The following ARHGAP10 variants were observed in gnomAD, a reference collection of about 807,000 sequenced individuals.
The protein encoded by ARHGAP10 is Rho GTPase activating protein 10.
A neutral mutation model predicts 108.6 loss-of-function variants in ARHGAP10; 87 were observed. The ratio of observed to expected loss-of-function variants is 0.80; its 90% CI spans 0.67 to 0.96. The LOEUF (loss-of-function observed/expected upper bound fraction) is 0.96. ARHGAP10 is among the 40% of genes least tolerant of loss of function. The probability of loss-of-function intolerance (pLI) is 0.00; values close to 1 mark genes in which losing one functional copy is unlikely to be tolerated. For synonymous variants in ARHGAP10, 347 were observed against 341.1 expected (o/e 1.02, Z -0.19); for missense variants, 939 against 954.5 (o/e 0.98, Z 0.21).
At chr4:147,922,028 A>C (rs985252808) in intron 13 of ARHGAP10, among the ~76,000 whole-genome samples, 2 of 150,206 alleles carry the variant, frequency 1.3e-5, no homozygotes, top group African/African-American at 5.0e-5. Context: ...CCCCTCCTGC[A>C]CCTCCTGCAC....
intron 13 of ARHGAP10, among the ~76,000 whole-genome samples, chr4:147,934,273 C>T (rs182628971): frequency 1.6e-3 from 247 of 152,328 alleles, no homozygotes; most frequent in African/African-American, 5.1e-3. Flanking sequence ...AATCTAGGAG[C>T]AAGCTTGTGG....
intron 1 of ARHGAP10, among the ~76,000 whole-genome samples, chr4:147,781,395 C>T (rs1201915159): frequency 2.0e-5 from 3 of 152,096 alleles, no homozygotes; most frequent in African/African-American, 7.2e-5. Flanking sequence ...CTGGACCTGG[C>T]AAGCCAGGAT....
At chr4:147,943,358 T>G (rs1578716923) in intron 14 of ARHGAP10, among the ~76,000 whole-genome samples, 1 of 152,364 alleles carries the variant, frequency 6.6e-6, no homozygotes, top group East Asian at 1.9e-4. Flanking sequence ...TTGTTTCCTT[T>G]GTAGGACAGC....
intron 14 of ARHGAP10, among the ~76,000 whole-genome samples, chr4:147,945,931 C>T (rs1738360222): frequency 6.6e-6 from 1 of 152,146 alleles, no homozygotes; most frequent in African/African-American, 2.4e-5. Flanking sequence ...GCAAGGCCAC[C>T]ACACATGAAT....
chr4:148,016,245 T>G (rs1416657766), intron 18 of ARHGAP10, among the ~76,000 whole-genome samples: 2 of 152,340 alleles, frequency 1.3e-5, no homozygotes, highest in East Asian at 3.9e-4. Context: ...GACTCATACC[T>G]GTAATCCCAG....
At chr4:147,823,494 A>G in intron 3 of ARHGAP10, among the ~76,000 whole-genome samples, 1 of 152,068 alleles carries the variant, frequency 6.6e-6, no homozygotes. Context: ...ATGGTGGGTC[A>G]TGCCTGAAAT....
At chr4:147,877,888 A>AT (rs1435088282) in intron 8 of ARHGAP10, among the ~76,000 whole-genome samples, 2 of 146,296 alleles carry the variant, frequency 1.4e-5, no homozygotes, top group African/African-American at 5.3e-5. Context: ...GGTTCTTAAG[A>AT]TTTTTTTAGA....
chr4:147,872,796 T>C (rs1252085611), intron 7 of ARHGAP10, among the ~76,000 whole-genome samples: 3 of 152,176 alleles, frequency 2.0e-5, no homozygotes. Context: ...TCATAATGAG[T>C]AGGCTGAGGA....
chr4:147,988,725 G>A (rs1348468165), intron 18 of ARHGAP10, among the ~76,000 whole-genome samples: 1 of 152,186 alleles, frequency 6.6e-6, no homozygotes, highest in Non-Finnish European at 1.5e-5. Flanking sequence ...GTCAGCCTTT[G>A]TGGCCTTTTA....
chr4:147,740,571 A>G (rs533133408), intron 1 of ARHGAP10, among the ~76,000 whole-genome samples: 28 of 152,280 alleles, frequency 1.8e-4, no homozygotes, highest in African/African-American at 6.5e-4. Flanking sequence ...GGCCATTATT[A>G]TAATTTAAAC....
At chr4:147,995,317 G>T (rs1248305749) in intron 18 of ARHGAP10, among the ~76,000 whole-genome samples, 1 of 151,982 alleles carries the variant, frequency 6.6e-6, no homozygotes, top group Non-Finnish European at 1.5e-5. Context: ...ACGATTTAAG[G>T]GCACACAGTA....
At chr4:147,933,945 T>A (rs972312639) in intron 13 of ARHGAP10, among the ~76,000 whole-genome samples, 25 of 152,112 alleles carry the variant, frequency 1.6e-4, no homozygotes, top group African/African-American at 6.0e-4. Flanking sequence ...CCTTAGGATC[T>A]GTTGTGGGGC....
chr4:147,880,639 A>G (rs531382671), intron 9 of ARHGAP10, among the ~76,000 whole-genome samples: 28 of 152,380 alleles, frequency 1.8e-4, no homozygotes, highest in East Asian at 1.5e-3. Flanking sequence ...AAAATGTTCA[A>G]TAAGTGTGTA....
chr4:147,970,990 G>A (rs537229403), intron 18 of ARHGAP10, among the ~76,000 whole-genome samples: 1 of 152,006 alleles, frequency 6.6e-6, no homozygotes, highest in South Asian at 2.1e-4. Flanking sequence ...CTATTCAGGA[G>A]GCTGAGGCAG....
At chr4:147,834,536 G>C (rs963192456) in intron 3 of ARHGAP10, among the ~76,000 whole-genome samples, 10 of 151,886 alleles carry the variant, frequency 6.6e-5, no homozygotes, top group African/African-American at 2.4e-4. Flanking sequence ...ATCTTTTAAG[G>C]CCCCACCTCT....
At chr4:148,035,465 A>G (rs1159664506) in intron 19 of ARHGAP10, among the ~76,000 whole-genome samples, 2 of 152,148 alleles carry the variant, frequency 1.3e-5, no homozygotes, top group African/African-American at 4.8e-5. Flanking sequence ...TTCTTTTTCT[A>G]GAGAGAATTT....
chr4:147,840,961 GCAAA>G (rs1177446701), intron 3 of ARHGAP10, among the ~76,000 whole-genome samples: 1 of 152,196 alleles, frequency 6.6e-6, no homozygotes, highest in Admixed American at 6.5e-5. Context: ...GCAGGGTTTG[GCAAA>G]CAGTGACCCA....
At chr4:147,742,419 G>A (rs1283556157) in intron 1 of ARHGAP10, among the ~76,000 whole-genome samples, 2 of 148,264 alleles carry the variant, frequency 1.3e-5, no homozygotes, top group South Asian at 2.1e-4. Flanking sequence ...TCCTTTGGTT[G>A]AACTTGAGCA....
chr4:147,932,796 G>A (rs1436800025), intron 13 of ARHGAP10, among the ~76,000 whole-genome samples: 1 of 152,080 alleles, frequency 6.6e-6, no homozygotes, highest in African/African-American at 2.4e-5. Flanking sequence ...ATGTACCTCT[G>A]AACTTAAAAG....
Sources: allele counts gnomAD v4.1 joint callset (sites outside exome capture counted in the v4.1 genomes callset), GRCh38; gene constraint gnomAD v4.1.1; transcripts MANE v1.5; gene names NCBI Gene and HGNC (gene_info 2026-07-23, HGNC 2026-07-21).